PHKB: variants seen among roughly 807,000 people sequenced by gnomAD.
The protein encoded by PHKB is phosphorylase kinase regulatory subunit beta.
A neutral mutation model predicts 152.1 loss-of-function variants in PHKB; 122 were observed. The ratio of observed to expected loss-of-function variants is 0.80; its 90% CI spans 0.69 to 0.93. The LOEUF (loss-of-function observed/expected upper bound fraction) is 0.93, where lower values mean the gene tolerates loss of function less well. PHKB is among the 40% of genes least tolerant of loss of function. PHKB has a pLI of 0.00. For missense variants in PHKB, 1,304 were observed against 1,328.4 expected, an observed-to-expected ratio of 0.98 and a Z score of 0.29; for synonymous variants, 436 against 464.9, an observed-to-expected ratio of 0.94 and a Z score of 0.80.
At chr16:47,513,467 C>CTG (rs571355081) in intron 5 of PHKB, among the ~76,000 whole-genome samples, 7 of 152,214 alleles carry the variant, frequency 4.6e-5, no homozygotes, top group Non-Finnish European at 1.0e-4. Flanking sequence ...CTGCATCTTC[C>CTG]TGTGTGGCCC....
intron 7 of PHKB, among the ~76,000 whole-genome samples, chr16:47,551,310 C>T (rs932481964): frequency 1.3e-5 from 2 of 151,948 alleles, no homozygotes; most frequent in East Asian, 1.9e-4. Context: ...GAAGTTAGGG[C>T]GTCGATTTTA....
At chr16:47,679,676 C>T (rs920182182) in intron 26 of PHKB, among the ~76,000 whole-genome samples, 3 of 152,180 alleles carry the variant, frequency 2.0e-5, no homozygotes, top group Admixed American at 6.5e-5. Context: ...TGGGCTAAGA[C>T]AATGGGGTTT....
At chr16:47,586,941 T>C (rs997016046) in intron 8 of PHKB, among the ~76,000 whole-genome samples, 2 of 152,158 alleles carry the variant, frequency 1.3e-5, no homozygotes, top group Admixed American at 1.3e-4. Context: ...TGTGTGCATA[T>C]ATACGTATAT....
At chr16:47,647,687 C>T (rs1378552798) in intron 16 of PHKB, among the ~76,000 whole-genome samples, 8 of 151,774 alleles carry the variant, frequency 5.3e-5, no homozygotes, top group Admixed American at 2.6e-4. Flanking sequence ...TTGGTAGAGA[C>T]GGGGTTTCAC....
intron 7 of PHKB, among the ~76,000 whole-genome samples, chr16:47,556,780 T>G (rs567292362): frequency 6.6e-6 from 1 of 152,344 alleles, no homozygotes; most frequent in Admixed American, 6.5e-5. Context: ...GATGCTGGCC[T>G]CATAAAGTGA....
In PHKB at chr16:47,613,668, G is replaced by C. The variant is rs140834139; in HGVS notation, c.1458+2748G>C. Among the ~76,000 whole-genome samples the C allele has an allele frequency of 3.7e-3, 565 of 152,112 alleles. 3 individuals carry two copies. Among genetic ancestry groups the C allele is most frequent in the Non-Finnish European group, 4.9e-3 (334 of 67,988 alleles). The stretch of plus-strand genomic sequence containing the variant: ...TAATTACATTTTATTAAAATTTTGT[G>C]TAATTTTGTGTAACCACCGTCACGG... On this transcript the variant is annotated intron_variant, in intron 14 of 30. Transcript: ENST00000323584.
At chr16:47,690,853 CA>C (rs767399257) in intron 27 of PHKB, among the ~76,000 whole-genome samples, 7 of 151,970 alleles carry the variant, frequency 4.6e-5, no homozygotes, top group Non-Finnish European at 1.0e-4. Flanking sequence ...CTACCTTAAC[CA>C]AAAGATTAAG....
chr16:47,654,062 A>G (rs887647746), intron 20 of PHKB, among the ~76,000 whole-genome samples: 2 of 152,224 alleles, frequency 1.3e-5, no homozygotes, highest in African/African-American at 4.8e-5. Context: ...CAGAACCTCA[A>G]AGTATTTCTA....
intron 14 of PHKB, among the ~76,000 whole-genome samples, chr16:47,624,120 T>G (rs1387516586): frequency 6.6e-6 from 1 of 152,234 alleles, no homozygotes; most frequent in East Asian, 1.9e-4. Flanking sequence ...GAGCAAATAT[T>G]TATATTTTAA....
intron 6 of PHKB, among the ~76,000 whole-genome samples, chr16:47,546,840 G>A (rs1299033826): frequency 2.6e-5 from 4 of 152,128 alleles, no homozygotes; most frequent in Admixed American, 2.6e-4. Context: ...CAGGCTTGCT[G>A]CCGTGCAGTT....
At chr16:47,598,849 G>C in intron 13 of PHKB, 1 of 1,606,208 alleles carries the variant, frequency 6.2e-7, no homozygotes, top group Non-Finnish European at 8.5e-7. Flanking sequence ...CTTCTCATTT[G>C]TAATCTGTTC....
intron 1 of PHKB, among the ~76,000 whole-genome samples, chr16:47,494,138 T>C (rs1053037879): frequency 6.6e-6 from 1 of 152,136 alleles, no homozygotes; most frequent in African/African-American, 2.4e-5. Context: ...AGGTGCTGAT[T>C]GCTGGTAAAG....
chr16:47,610,389 A>T (rs533259421), intron 13 of PHKB, among the ~76,000 whole-genome samples: 5 of 152,064 alleles, frequency 3.3e-5, no homozygotes, highest in Admixed American at 3.3e-4. Context: ...ATTTATAGCT[A>T]TAATTTTTTC....
chr16:47,642,955 C>A (rs749072909), intron 16 of PHKB, among the ~76,000 whole-genome samples: 5 of 152,156 alleles, frequency 3.3e-5, no homozygotes, highest in African/African-American at 9.7e-5. Flanking sequence ...TTATGCTGTG[C>A]TCTTAGTATT....
At chr16:47,554,292 T>C (rs1397052773) in intron 7 of PHKB, among the ~76,000 whole-genome samples, 2 of 152,168 alleles carry the variant, frequency 1.3e-5, no homozygotes, top group Non-Finnish European at 2.9e-5. Flanking sequence ...CAGTTGGAAC[T>C]TCCCCATGAC....
At chr16:47,682,271 G>A (rs1013994876) in intron 26 of PHKB, among the ~76,000 whole-genome samples, 3 of 152,094 alleles carry the variant, frequency 2.0e-5, no homozygotes, top group African/African-American at 7.2e-5. Flanking sequence ...GTATCTTTGT[G>A]GCGTTCTCTG....
chr16:47,636,690 T>C (rs1972927096), intron 14 of PHKB, among the ~76,000 whole-genome samples: 1 of 152,316 alleles, frequency 6.6e-6, no homozygotes, highest in South Asian at 2.1e-4. Context: ...TGAGCGCCGA[T>C]GAGCACAGGA....
chr16:47,673,808 T>C (rs549794391), intron 26 of PHKB, among the ~76,000 whole-genome samples: 27 of 152,308 alleles, frequency 1.8e-4, no homozygotes, highest in African/African-American at 6.0e-4. Flanking sequence ...TCTTCACATA[T>C]ATTATCTGTT....
At chr16:47,563,707 A>C (rs1171203837) in intron 7 of PHKB, among the ~76,000 whole-genome samples, 1 of 152,088 alleles carries the variant, frequency 6.6e-6, no homozygotes, top group African/African-American at 2.4e-5. Context: ...TTTTGGTTAC[A>C]TGGATGAATT....
Sources: gnomAD v4.1 joint callset for allele counts (sites outside exome capture counted in the v4.1 genomes callset) on GRCh38, gnomAD v4.1.1 for gene constraint, MANE v1.5 for transcripts, NCBI Gene and HGNC (gene_info 2026-07-23, HGNC 2026-07-21) for gene names.